The following FOCAD variants were observed in gnomAD, a reference collection of about 807,000 sequenced individuals.
FOCAD encodes focadhesin.
FOCAD carries 198 observed loss-of-function variants against 225.6 expected under a neutral mutation model. The ratio of observed to expected loss-of-function variants is 0.88; its 90% CI spans 0.78 to 0.99. The LOEUF (loss-of-function observed/expected upper bound fraction) is 0.99, where lower values mean the gene tolerates loss of function less well. FOCAD is among the 50% of genes least tolerant of loss of function. FOCAD has a pLI of 0.00. For synonymous variants in FOCAD, 897 were observed against 755.0 expected (o/e 1.19, Z -3.08); for missense variants, 2,713 against 2,123.6 (o/e 1.28, Z -5.46).
At chr9:20,752,523 T>A (rs1446461857) in intron 5 of FOCAD, among the ~76,000 whole-genome samples, 1 of 152,202 alleles carries the variant, frequency 6.6e-6, no homozygotes, top group Non-Finnish European at 1.5e-5. Flanking sequence ...TCTATATCTC[T>A]GTTTTGGTAC....
chr9:20,731,368 C>G (rs895662063), intron 4 of FOCAD, among the ~76,000 whole-genome samples: 1 of 152,132 alleles, frequency 6.6e-6, no homozygotes, highest in African/African-American at 2.4e-5. Context: ...TTACAGTTAT[C>G]CTATTTGCTA....
At chr9:20,708,633 G>T (rs1048890103) in intron 1 of FOCAD, among the ~76,000 whole-genome samples, 1 of 152,020 alleles carries the variant, frequency 6.6e-6, no homozygotes, top group Non-Finnish European at 1.5e-5. Flanking sequence ...ACTTTAGCCA[G>T]GCACGGTGGT....
intron 1 of FOCAD, among the ~76,000 whole-genome samples, chr9:20,700,377 C>T (rs973555262): frequency 4.0e-5 from 6 of 151,506 alleles, no homozygotes; most frequent in Non-Finnish European, 7.4e-5. Context: ...GTCTTGTTAG[C>T]TTTTACATGT....
chr9:20,987,697 A>G (rs1841311876), intron 40 of FOCAD, among the ~76,000 whole-genome samples: 1 of 152,214 alleles, frequency 6.6e-6, no homozygotes, highest in Non-Finnish European at 1.5e-5. Context: ...ATGAAGTTAC[A>G]TGCAATAAAC....
At chr9:20,820,831 A>G (rs1326438677) in intron 13 of FOCAD, 110 bp from the exon 14 acceptor site, 22 of 1,203,520 alleles carry the variant, frequency 1.8e-5, no homozygotes, top group Non-Finnish European at 2.2e-5. Flanking sequence ...CGACAGTATA[A>G]TTTGCAATGC....
intron 34 of FOCAD, among the ~76,000 whole-genome samples, chr9:20,951,621 A>T (rs886910253): frequency 1.3e-5 from 2 of 152,198 alleles, no homozygotes; most frequent in Non-Finnish European, 2.9e-5. Flanking sequence ...ATGGGGTAGT[A>T]CATTTAAAGG....
At chr9:20,986,266 A>AGTTTTTTTTTTTTTTTTTTTTT in intron 39 of FOCAD, 22 bp from the exon 40 acceptor site, 1 of 705,686 alleles carries the variant, frequency 1.4e-6, no homozygotes, top group South Asian at 2.9e-5. Flanking sequence ...TAACTAAACA[A>AGTTTTTTTTTTTTTTTTTTTTT]TTTTTTTTTT....
intron 15 of FOCAD, among the ~76,000 whole-genome samples, chr9:20,860,156 T>C (rs920079501): frequency 6.6e-6 from 1 of 152,198 alleles, no homozygotes; most frequent in African/African-American, 2.4e-5. Flanking sequence ...ATCTTGCTTA[T>C]ATAACTATAA....
intron 9 of FOCAD, among the ~76,000 whole-genome samples, chr9:20,779,719 C>T (rs1336260598): frequency 6.6e-6 from 1 of 151,246 alleles, no homozygotes; most frequent in African/African-American, 2.4e-5. Flanking sequence ...CATTGCACTC[C>T]AGCTTGGGCA....
At chr9:20,836,310 G>A (rs1346284338) in intron 15 of FOCAD, among the ~76,000 whole-genome samples, 1 of 152,084 alleles carries the variant, frequency 6.6e-6, no homozygotes, top group Non-Finnish European at 1.5e-5. Flanking sequence ...TGTACAGTAA[G>A]GCTTCTGTCG....
intron 16 of FOCAD, among the ~76,000 whole-genome samples, chr9:20,865,372 G>C (rs1829134712): frequency 1.3e-5 from 2 of 151,980 alleles, no homozygotes; most frequent in South Asian, 4.1e-4. Flanking sequence ...AGTTAGATGT[G>C]GTGGCAATGA....
intron 15 of FOCAD, among the ~76,000 whole-genome samples, chr9:20,844,170 C>T (rs550473138): frequency 6.6e-6 from 1 of 151,922 alleles, no homozygotes; most frequent in South Asian, 2.1e-4. Context: ...TCATAATGGC[C>T]CTAAAGTAGA....
At chr9:20,727,877 C>T (rs1826338732) in intron 4 of FOCAD, among the ~76,000 whole-genome samples, 1 of 152,190 alleles carries the variant, frequency 6.6e-6, no homozygotes, top group African/African-American at 2.4e-5. Flanking sequence ...CCTTTTAATT[C>T]TACCCCTGGT....
chr9:20,859,757 A>G (rs1433355961), intron 15 of FOCAD, among the ~76,000 whole-genome samples: 1 of 149,286 alleles, frequency 6.7e-6, no homozygotes, highest in African/African-American at 2.4e-5. Flanking sequence ...CACATACTAC[A>G]ACATCGATGA....
Position 20,912,761 on chromosome 9 carries a change from C to T in FOCAD, c.2719-105C>T, listed in dbSNP as rs571175797. On this transcript the variant is annotated intron_variant, in intron 22 of 43. Transcript: ENST00000338382. ...TCATAATCTAATGTCTTACCCAGAA[C>T]ACTTAAGGCCAAATGGAAAAGGATA... is the stretch of plus-strand genomic sequence containing the variant. 27 of 834,980 alleles carry T rather than the reference C, an allele frequency of 3.2e-5. No homozygotes were observed. The African/African-American group carries it at 4.4e-4, about 14-fold the overall frequency. 51.7% of individuals were successfully genotyped at this position (834,980 alleles called of 1,614,324 possible).
chr9:20,859,143 C>T (rs552620156), intron 15 of FOCAD, among the ~76,000 whole-genome samples: 29 of 152,034 alleles, frequency 1.9e-4, no homozygotes, highest in African/African-American at 6.3e-4. Flanking sequence ...GGGAGGCCGA[C>T]GTGGGTGGGT....
At chr9:20,781,362 A>G (rs1353444289) in intron 9 of FOCAD, among the ~76,000 whole-genome samples, 1 of 152,218 alleles carries the variant, frequency 6.6e-6, no homozygotes, top group Non-Finnish European at 1.5e-5. Context: ...GGAAGCATGT[A>G]TGTTGGGCTT....
intron 18 of FOCAD, among the ~76,000 whole-genome samples, chr9:20,871,984 G>T (rs1279206870): frequency 6.6e-6 from 1 of 151,418 alleles, no homozygotes; most frequent in Non-Finnish European, 1.5e-5. Flanking sequence ...GAACCAAAAT[G>T]TAATAAATAA....
rs1410373144 is a variant in FOCAD, at chr9:20,976,652, T to C, written c.4261+104T>C. On this transcript the variant is annotated intron_variant, in intron 36 of 43. Transcript: ENST00000338382. Reference sequence around the variant, plus strand: ...AATGTGTAGTGACTGGATAGACTTTTCAGATCTTGAGGTTTGTCATGTTGG... The same window carrying C: ...AATGTGTAGTGACTGGATAGACTTTCCAGATCTTGAGGTTTGTCATGTTGG... The C allele has an allele frequency of 1.8e-5, 23 of 1,251,240 alleles. No homozygotes were observed. The South Asian group carries it at 2.3e-4, about 12-fold the overall frequency. The allele number at this position is 1,251,240 out of a possible 1,614,324, so 77.5% of individuals were successfully genotyped here.
Sources: gnomAD v4.1 joint callset for allele counts (sites outside exome capture counted in the v4.1 genomes callset) on GRCh38, gnomAD v4.1.1 for gene constraint, MANE v1.5 for transcripts, NCBI Gene and HGNC (gene_info 2026-07-23, HGNC 2026-07-21) for gene names.